MAP4: variants seen among roughly 807,000 people sequenced by gnomAD.
The protein encoded by MAP4 is microtubule-associated protein 4.
Under a neutral mutation model 170.2 loss-of-function variants are expected in MAP4, and 76 were observed. The ratio of observed to expected loss-of-function variants is 0.45; its 90% CI spans 0.37 to 0.54. MAP4 has a LOEUF of 0.54. Among genes scored for constraint, MAP4 ranks in the 20% least tolerant of loss-of-function variants. MAP4 has a pLI of 0.00. For missense variants in MAP4, 2,506 were observed against 2,748.0 expected (o/e 0.91, Z 1.97); for synonymous variants, 909 against 994.5 (o/e 0.91, Z 1.62).
intron 17 of MAP4, among the ~76,000 whole-genome samples, chr3:47,861,957 C>T (rs370895749): frequency 3.3e-5 from 5 of 151,810 alleles, no homozygotes; most frequent in South Asian, 4.2e-4. Context: ...GTCAGGAGAT[C>T]GAGACCATCC....
intron 1 of MAP4, among the ~76,000 whole-genome samples, chr3:48,015,821 T>C (rs1286437622): frequency 1.3e-5 from 2 of 152,200 alleles, no homozygotes; most frequent in Non-Finnish European, 1.5e-5. Context: ...CACAGACACA[T>C]ATGATTCCTC....
intron 10 of MAP4, chr3:47,891,226 A>C (rs1475345164): frequency 6.5e-7 from 1 of 1,536,190 alleles, no homozygotes; most frequent in East Asian, 2.4e-5. Context: ...GCTCCAGCTT[A>C]CTATGGAGAT....
At chr3:47,897,763 C>T (rs1436382790) in intron 10 of MAP4, among the ~76,000 whole-genome samples, 2 of 151,506 alleles carry the variant, frequency 1.3e-5, no homozygotes, top group African/African-American at 2.4e-5. Context: ...ATGGTGAAAC[C>T]CTGTCTCCAC....
intron 16 of MAP4, 115 bp downstream of exon 16, chr3:47,869,099 A>C: frequency 1.3e-6 from 1 of 791,534 alleles, no homozygotes; most frequent in East Asian, 2.5e-5. Flanking sequence ...ATAGGGGAGA[A>C]GAAGTAGAAA....
At chr3:47,874,431 T>C (rs985734932) in intron 12 of MAP4, among the ~76,000 whole-genome samples, 6 of 152,242 alleles carry the variant, frequency 3.9e-5, no homozygotes, top group Non-Finnish European at 7.4e-5. Context: ...ATTGTGCCAC[T>C]GCACTCCAGC....
At chr3:47,884,940 G>A (rs575448549) in intron 10 of MAP4, among the ~76,000 whole-genome samples, 3 of 152,210 alleles carry the variant, frequency 2.0e-5, no homozygotes, top group South Asian at 4.2e-4. Flanking sequence ...TGATGTGGGC[G>A]GACCAGGCCT....
intron 10 of MAP4, among the ~76,000 whole-genome samples, chr3:47,890,304 T>G (rs976336518): frequency 1.3e-5 from 2 of 152,154 alleles, no homozygotes; most frequent in South Asian, 4.1e-4. Flanking sequence ...AGCTGTTTAT[T>G]AGGTTGCAAG....
chr3:48,076,080 C>A (rs1294195290), intron 1 of MAP4, among the ~76,000 whole-genome samples: 1 of 148,220 alleles, frequency 6.7e-6, no homozygotes, highest in East Asian at 2.0e-4. Flanking sequence ...CTAAATACAA[C>A]AGCTAAAACT....
intron 1 of MAP4, among the ~76,000 whole-genome samples, chr3:48,005,859 T>C (rs2100102032): frequency 6.6e-6 from 1 of 152,168 alleles, no homozygotes; most frequent in Admixed American, 6.5e-5. Flanking sequence ...AGTCACTCAA[T>C]TACAAAATTG....
chr3:47,920,884 G>A (rs971741951), intron 5 of MAP4, among the ~76,000 whole-genome samples: 2 of 152,164 alleles, frequency 1.3e-5, no homozygotes, highest in Non-Finnish European at 2.9e-5. Flanking sequence ...GTGGCTGGGT[G>A]CAAAGGCTCA....
intron 1 of MAP4, among the ~76,000 whole-genome samples, chr3:48,024,050 G>A (rs967062537): frequency 1.8e-4 from 27 of 152,218 alleles, no homozygotes; most frequent in Non-Finnish European, 3.7e-4. Context: ...AGTGGCTCAC[G>A]CCAGTAATCC....
intron 13 of MAP4, 112 bp from the exon 14 acceptor site, chr3:47,871,398 C>A (rs1217160391): frequency 7.6e-6 from 7 of 922,960 alleles, no homozygotes; most frequent in Non-Finnish European, 1.1e-5. Flanking sequence ...TACTTTGAGC[C>A]AGGGACTGTG....
intron 1 of MAP4, among the ~76,000 whole-genome samples, chr3:48,062,617 T>TA (rs1006972778): frequency 1.4e-5 from 2 of 144,624 alleles, no homozygotes; most frequent in Admixed American, 6.8e-5. Flanking sequence ...AAAAATAAAT[T>TA]AAAAAAAAGA....
intron 1 of MAP4, among the ~76,000 whole-genome samples, chr3:48,083,831 A>G (rs1424076448): frequency 6.6e-6 from 1 of 150,386 alleles, no homozygotes; most frequent in Admixed American, 6.7e-5. Context: ...GATTCAAGTG[A>G]TTCTCCTGTC....
At chr3:48,050,976 T>C (rs1290462481) in intron 1 of MAP4, among the ~76,000 whole-genome samples, 1 of 150,624 alleles carries the variant, frequency 6.6e-6, no homozygotes, top group Non-Finnish European at 1.5e-5. Context: ...TATATCGCGG[T>C]ACAAAAATTG....
chr3:48,054,356 T>C (rs1413593224), intron 1 of MAP4, among the ~76,000 whole-genome samples: 1 of 151,606 alleles, frequency 6.6e-6, no homozygotes, highest in Non-Finnish European at 1.5e-5. Flanking sequence ...CCAGGCACGG[T>C]GGCTCACGCC....
chr3:47,978,131 C>T (rs2100083283), intron 2 of MAP4, among the ~76,000 whole-genome samples, 198 bp from the exon 3 acceptor site: 1 of 152,110 alleles, frequency 6.6e-6, no homozygotes, highest in Admixed American at 6.5e-5. Context: ...CCTAGGGCAC[C>T]CAAGCTCTGT....
intron 1 of MAP4, among the ~76,000 whole-genome samples, chr3:48,078,494 G>A (rs2100145015): frequency 6.6e-6 from 1 of 151,918 alleles, no homozygotes; most frequent in Non-Finnish European, 1.5e-5. Flanking sequence ...TTTACGATAT[G>A]TGAATTATGT....
intron 3 of MAP4, among the ~76,000 whole-genome samples, chr3:47,944,089 A>G (rs1055025094): frequency 6.6e-6 from 1 of 152,046 alleles, no homozygotes; most frequent in African/African-American, 2.4e-5. Flanking sequence ...AGGCAGGTGG[A>G]TCACAAGGTC....
Sources: gnomAD v4.1 joint callset for allele counts (sites outside exome capture counted in the v4.1 genomes callset) on GRCh38, gnomAD v4.1.1 for gene constraint, MANE v1.5 for transcripts, NCBI Gene and HGNC (gene_info 2026-07-23, HGNC 2026-07-21) for gene names.